The following UBR4 variants were observed in gnomAD, a reference collection of about 807,000 sequenced individuals.
UBR4 encodes the protein ubiquitin protein ligase E3 component n-recognin 4.
In UBR4, 124 loss-of-function variants were observed where a neutral mutation model predicts 575.6. The ratio of observed to expected loss-of-function variants is 0.22; its 90% CI spans 0.19 to 0.25. The LOEUF is 0.25. Among genes scored for constraint, UBR4 ranks in the 10% least tolerant of loss-of-function variants. The pLI, the probability that UBR4 is intolerant of heterozygous loss-of-function variation, is 1.00. For synonymous variants in UBR4, 2,455 were observed against 2,473.7 expected, an observed-to-expected ratio of 0.99 and a Z score of 0.22; for missense variants, 4,818 against 6,478.8, an observed-to-expected ratio of 0.74 and a Z score of 8.80.
chr1:19,143,930 T>C, intron 55 of UBR4, 50 bp downstream of exon 55: 1 of 1,556,734 alleles, frequency 6.4e-7, no homozygotes, highest in South Asian at 1.1e-5. Context: ...CCTCCCTCTC[T>C]CCCCTCCTCC....
chr1:19,188,831 T>C (rs543660596), intron 11 of UBR4, among the ~76,000 whole-genome samples: 5 of 152,228 alleles, frequency 3.3e-5, no homozygotes, highest in East Asian at 1.9e-4. Context: ...TAGCTGGGCA[T>C]GGTGGTGCAC....
rs1184164998 is a variant in UBR4, at chr1:19,106,591, C to T, written c.12371G>A (p.Gly4124Glu). 2 of 1,579,652 alleles carry T rather than the reference C, an allele frequency of 1.3e-6. No homozygotes were observed. Among genetic ancestry groups the T allele is most frequent in the Non-Finnish European group, 1.7e-6 (2 of 1,164,496 alleles). Reference protein sequence around the residue: ...KRTSPLDLKLGHNNWLRQVLF... With the variant: ...KRTSPLDLKLEHNNWLRQVLF... ...CACTTGTCGCAGCCAGTTGTTATGC[C>T]CCAGTTTGAGATCCAAGGGGGAGGT... The change falls in exon 83 of 106, where the codon GGG (glycine) becomes GAG (glutamate). Residue 4124 changes from glycine to glutamate, a missense_variant. Physicochemically the swap from Gly to Glu is moderately conservative, Grantham distance 98. Transcript: ENST00000375254.
Position 19,099,767 on chromosome 1 carries a change from A to G in UBR4, c.13222-90T>C, listed in dbSNP as rs866315333. 1.2e-5 allele frequency: 13 copies of G among 1,103,922 alleles called. No homozygotes were observed. The South Asian group carries it at 1.9e-4, about 16-fold the overall frequency. The allele number at this position is 1,103,922 out of a possible 1,614,324, so 68.4% of individuals were successfully genotyped here. On this transcript the variant is annotated intron_variant, in intron 89 of 105. Coordinates refer to ENST00000375254, the MANE Select transcript of UBR4 (RefSeq NM_020765.3). ...AAAGGGCACCTTACGGCAATGGTTGATAATTCACAATTTTTATATGTCATG... is the reference window on the plus strand; with the variant it reads ...AAAGGGCACCTTACGGCAATGGTTGGTAATTCACAATTTTTATATGTCATG...
At chr1:19,203,030 G>A (rs1170496559) in intron 1 of UBR4, among the ~76,000 whole-genome samples, 2 of 151,910 alleles carry the variant, frequency 1.3e-5, no homozygotes, top group South Asian at 4.2e-4. Context: ...GCAGTGAGCC[G>A]AGATCGGGCC....
At chr1:19,198,264 G>A (rs2092574204) in intron 5 of UBR4, among the ~76,000 whole-genome samples, 1 of 152,170 alleles carries the variant, frequency 6.6e-6, no homozygotes, top group Non-Finnish European at 1.5e-5. Flanking sequence ...CCAAAATGGA[G>A]TGATGCCTTT....
At chr1:19,171,267 G>A (rs573391491) in intron 25 of UBR4, among the ~76,000 whole-genome samples, 2 of 152,308 alleles carry the variant, frequency 1.3e-5, no homozygotes, top group African/African-American at 4.8e-5. Context: ...GACCAGGAAC[G>A]TTAACAGCTC....
chr1:19,087,394 T>C (rs1188258424), intron 99 of UBR4, among the ~76,000 whole-genome samples: 1 of 152,250 alleles, frequency 6.6e-6, no homozygotes, highest in African/African-American at 2.4e-5. Context: ...TTCTCCCCAG[T>C]TACCCTGAAT....
intron 11 of UBR4, among the ~76,000 whole-genome samples, chr1:19,188,343 C>A (rs1452781374): frequency 1.3e-5 from 2 of 152,132 alleles, no homozygotes; most frequent in Non-Finnish European, 2.9e-5. Context: ...CACTTGAGCC[C>A]AGAAGTTCAA....
At chr1:19,095,428 G>C in intron 93 of UBR4, 117 bp downstream of exon 93, 3 of 994,874 alleles carry the variant, frequency 3.0e-6, no homozygotes, top group Non-Finnish European at 4.6e-6. Flanking sequence ...GTCAGCCAGA[G>C]AGATGAAGGG....
chr1:19,114,707 G>A (rs759174630), intron 75 of UBR4, 104 bp downstream of exon 75: 166 of 1,463,190 alleles, frequency 1.1e-4, no homozygotes, highest in Non-Finnish European at 1.4e-4. Flanking sequence ...GTGTTGAGTC[G>A]AAGAAGGCTT....
Position 19,088,885 on chromosome 1 carries a change from C to T in UBR4, c.14304G>A (p.Leu4768=). 1 of 1,614,210 alleles carries T rather than the reference C, an allele frequency of 6.2e-7. No individual in the cohort carries two copies. The highest frequency in any genetic ancestry group is 1.7e-5 in the Admixed American group (1 of 60,026). ...CGTCAGGGTGTTCCCGCAGGGCTTC[C>T]AGCAGGTTCTCTGCCAAGGTCCCAA... is the stretch of plus-strand genomic sequence containing the variant. ...EGIGTLAENL[L]EALREHPDVN... is the part of the protein sequence containing the mutation. The change falls in exon 98 of 106, where the codon CTG becomes CTA. Residue 4768 remains leucine, a synonymous_variant. Coordinates refer to ENST00000375254, the MANE Select transcript of UBR4 (RefSeq NM_020765.3). The surrounding 1 kb of genome is among the most constrained non-coding windows in gnomAD (Gnocchi z 4.0).
At chr1:19,114,172 C>T in intron 75 of UBR4, 102 bp from the exon 76 acceptor site, 1 of 1,453,520 alleles carries the variant, frequency 6.9e-7, no homozygotes, top group South Asian at 1.3e-5. Context: ...TCCTATAGGT[C>T]AGGCACTGTG....
chr1:19,132,642 A>G (rs1285786316), intron 60 of UBR4, among the ~76,000 whole-genome samples: 1 of 149,582 alleles, frequency 6.7e-6, no homozygotes, highest in Non-Finnish European at 1.5e-5. Flanking sequence ...AAAAGAAAGG[A>G]AATAATAAAA....
Position 19,117,295 on chromosome 1 carries a change from C to T in UBR4, c.10749G>A (p.Arg3583=). The part of the protein sequence containing the change: ...KVTVKIGDLK[R]TKMVRTINLY... ...GGTTGATGGTCCGCACCATCTTGGT[C>T]CGTTTCAGATCCCCGATTTTCACTG... The change falls in exon 73 of 106, where the codon CGG becomes CGA. Residue 3583 remains arginine, a synonymous_variant. Transcript: ENST00000375254. The surrounding 1 kb of genome is among the most constrained non-coding windows in gnomAD (Gnocchi z 4.0). 6.2e-7 allele frequency: 1 copy of T among 1,614,164 alleles called. No homozygotes were observed. The highest frequency in any genetic ancestry group is 8.5e-7 in the Non-Finnish European group (1 of 1,180,024).
chr1:19,207,175 C>A (rs865896937), intron 1 of UBR4, among the ~76,000 whole-genome samples: 2 of 152,198 alleles, frequency 1.3e-5, no homozygotes, highest in Admixed American at 1.3e-4. Flanking sequence ...AGTGGCAACA[C>A]AGAACTAAAG....
In UBR4 at chr1:19,177,696, C is replaced by A. The variant is rs781698917; in HGVS notation, c.2402G>T (p.Ser801Ile). ...TTCTACATTCAGATCCTCTGTCTCA[C>A]TGGGCACCACACCTTGCAGGGCATT... ...KQNALQGVVP[S>I]ETEDLNVEHL... Residue 801 changes from serine to isoleucine, a missense_variant, in exon 19 of 106, where the codon AGT becomes ATT. Physicochemically the swap from Ser to Ile is moderately radical, Grantham distance 142. This residue lies in a region of UBR4 where 1,172 missense variants were observed against 1,259.7 expected (regional missense o/e 0.93). Coordinates refer to ENST00000375254, the MANE Select transcript of UBR4 (RefSeq NM_020765.3). The A allele has an allele frequency of 4.3e-6, 7 of 1,613,996 alleles. No homozygotes were observed. Among genetic ancestry groups the A allele is most frequent in the Non-Finnish European group, 5.9e-6 (7 of 1,179,998 alleles).
In UBR4 at chr1:19,196,994, C is replaced by T. The variant is rs766123141; in HGVS notation, c.1018+147G>A. The T allele has an allele frequency of 8.2e-4, 764 of 928,124 alleles. 10 individuals are homozygous for T. The highest frequency in any genetic ancestry group is 2.3e-4 in the Middle Eastern group (1 of 4,260). The allele number at this position is 928,124 out of a possible 1,614,324, so 57.5% of individuals were successfully genotyped here. A position where few individuals can be genotyped will look rare whatever the true frequency, so the allele number is the denominator to read the frequency against. ...CATTTACAAAGATTCCTATTGAGAC[C>T]TCATTTCACCTTGATGCGACGTTAG... On this transcript the variant is annotated intron_variant, in intron 8 of 105. Coordinates refer to ENST00000375254, the MANE Select transcript of UBR4 (RefSeq NM_020765.3).
Position 19,110,553 on chromosome 1 carries a change from G to A in UBR4, c.11893-89C>T, listed in dbSNP as rs2079732804. 6.9e-7 allele frequency: 1 copy of A among 1,441,178 alleles called. No individual in the cohort carries two copies. Among genetic ancestry groups the A allele is most frequent in the African/African-American group, 1.4e-5 (1 of 71,232 alleles). 89.3% of individuals were successfully genotyped at this position (1,441,178 alleles called of 1,614,324 possible). On this transcript the variant is annotated intron_variant, in intron 79 of 105. Transcript: ENST00000375254. This position sits in a 1 kb window ranked among gnomAD's most constrained non-coding sequence, Gnocchi z 4.5. Reference sequence around the variant, plus strand: ...ATTAATACAATTTCTGGTCCTAGGTGGCTCCAACAGAGACAAAGGACAGAC... The same window carrying A: ...ATTAATACAATTTCTGGTCCTAGGTAGCTCCAACAGAGACAAAGGACAGAC...
At chr1:19,149,190 G>A (rs571481899) in intron 49 of UBR4, among the ~76,000 whole-genome samples, 6 of 152,150 alleles carry the variant, frequency 3.9e-5, no homozygotes, top group Non-Finnish European at 8.8e-5. Flanking sequence ...CCTTAGGAAA[G>A]GAATAGGAAA....
Sources: gnomAD v4.1 joint callset for allele counts (sites outside exome capture counted in the v4.1 genomes callset) on GRCh38, gnomAD v4.1.1 for gene constraint, gnomAD v4.1.1 regional missense constraint, Gnocchi (gnomAD v3.1) non-coding constraint, MANE v1.5 for transcripts, NCBI Gene and HGNC (gene_info 2026-07-23, HGNC 2026-07-21) for gene names.